ZCWPW2: variants seen among roughly 807,000 people sequenced by gnomAD.
The protein encoded by ZCWPW2 is zinc finger CW-type and PWWP domain containing 2.
ZCWPW2 carries 45 observed loss-of-function variants against 46.6 expected under a neutral mutation model. The observed-to-expected ratio is 0.96, with a 90% CI of 0.76 to 1.24. The LOEUF (loss-of-function observed/expected upper bound fraction) is 1.24, where lower values mean the gene tolerates loss of function less well. Ranked by LOEUF, ZCWPW2 falls within the 50% of genes most tolerant of loss-of-function variation. The probability of loss-of-function intolerance (pLI) is 0.00; values close to 1 mark genes in which losing one functional copy is unlikely to be tolerated. For missense variants in ZCWPW2, 429 were observed against 403.9 expected (o/e 1.06, Z -0.53); for synonymous variants, 152 against 137.1 (o/e 1.11, Z -0.76).
chr3:28,505,908 A>C (rs996632492), intron 6 of ZCWPW2, among the ~76,000 whole-genome samples: 1 of 151,802 alleles, frequency 6.6e-6, no homozygotes, highest in African/African-American at 2.4e-5. Context: ...ATTAAAAAAG[A>C]AAACTTCATT....
chr3:28,501,976 G>T (rs1424848026), intron 6 of ZCWPW2, among the ~76,000 whole-genome samples: 1 of 151,902 alleles, frequency 6.6e-6, no homozygotes, highest in Non-Finnish European at 1.5e-5. Flanking sequence ...TCCCACCTTG[G>T]CCTCCCGTAG....
Position 28,380,937 on chromosome 3 carries a change from T to C in ZCWPW2, c.-133-9561T>C, listed in dbSNP as rs1365158962. On this transcript the variant is annotated intron_variant, in intron 1 of 9. Transcript: ENST00000383768. Reference sequence around the variant, plus strand: ...TTACCAAATATATATATATTTGGTATATATATATATATATATATATATATA... The same window carrying C: ...TTACCAAATATATATATATTTGGTACATATATATATATATATATATATATA... Among the ~76,000 whole-genome samples, 6 of 7,522 alleles carry C rather than the reference T, an allele frequency of 8.0e-4. 1 individual carries two copies. The highest frequency in any genetic ancestry group is 2.5e-3 in the Admixed American group (1 of 406). The allele number at this position is 7,522 out of a possible 152,430, so 4.9% of individuals were successfully genotyped here.
rs552545804 is a variant in ZCWPW2 at position 28,369,404 on chromosome 3, A to T, written c.-134+20201A>T. ...GGACCCTCAGCTGCAGGTCTGTTGGAGTTTGCTGGAGGTCCACTCCAGACC... is the reference window on the plus strand; with the variant it reads ...GGACCCTCAGCTGCAGGTCTGTTGGTGTTTGCTGGAGGTCCACTCCAGACC... On this transcript the variant is annotated intron_variant, in intron 1 of 9. Coordinates refer to ENST00000383768, the MANE Select transcript of ZCWPW2 (RefSeq NM_001040432.4). Among the ~76,000 whole-genome samples the T allele has an allele frequency of 2.6e-4, 40 of 152,090 alleles. 1 individual carries two copies. The East Asian group carries it at 7.4e-3, about 28-fold the overall frequency.
intron 2 of ZCWPW2, among the ~76,000 whole-genome samples, chr3:28,391,655 C>T (rs73825147): frequency 0.02 from 3,117 of 152,248 alleles, 107 homozygotes; most frequent in African/African-American, 0.062. Context: ...GCAGTTTTCA[C>T]GGAATCCTCT....
chr3:28,521,938 G>T (rs1700735688), intron 9 of ZCWPW2, among the ~76,000 whole-genome samples: 1 of 152,130 alleles, frequency 6.6e-6, no homozygotes, highest in South Asian at 2.1e-4. Context: ...TCCCAATCCT[G>T]GTCCTGCCAA....
intron 5 of ZCWPW2, among the ~76,000 whole-genome samples, chr3:28,490,366 A>G (rs1699764921): frequency 6.6e-6 from 1 of 152,170 alleles, no homozygotes; most frequent in Non-Finnish European, 1.5e-5. Flanking sequence ...AGATACATGC[A>G]CACATATGTT....
chr3:28,491,084 G>C (rs1024860341), intron 5 of ZCWPW2, among the ~76,000 whole-genome samples: 1 of 152,052 alleles, frequency 6.6e-6, no homozygotes, highest in African/African-American at 2.4e-5. Context: ...ATAATACAAG[G>C]AAGAAAGTTT....
intron 1 of ZCWPW2, among the ~76,000 whole-genome samples, chr3:28,386,379 A>G (rs151196048): frequency 1.3e-5 from 2 of 152,280 alleles, no homozygotes; most frequent in Non-Finnish European, 2.9e-5. Context: ...TCTAGTTTCT[A>G]GAACTCTAAG....
chr3:28,435,041 A>G, intron 3 of ZCWPW2, 69 bp from the exon 4 acceptor site: 1 of 1,544,688 alleles, frequency 6.5e-7, no homozygotes, highest in South Asian at 1.2e-5. Context: ...TTAATATGCG[A>G]TTGATAGACG....
chr3:28,436,502 C>T (rs911216066), intron 4 of ZCWPW2, among the ~76,000 whole-genome samples: 21 of 151,452 alleles, frequency 1.4e-4, no homozygotes, highest in Admixed American at 2.0e-4. Flanking sequence ...AGTACATGTA[C>T]GTATTTAAAA....
At chr3:28,508,690 G>A (rs571498017) in intron 6 of ZCWPW2, among the ~76,000 whole-genome samples, 2 of 152,016 alleles carry the variant, frequency 1.3e-5, no homozygotes, top group African/African-American at 2.4e-5. Context: ...CATCACACCA[G>A]CTAATTTTTG....
rs140856167 is a variant in ZCWPW2 at position 28,483,145 on chromosome 3, T to C, written c.610+4214T>C. ...ATTTTGCATTTCGCCCTATGATTCA[T>C]TGTGAGTTCCTTTTTGTGAAAGGTG... On this transcript the variant is annotated intron_variant, in intron 5 of 9. Coordinates refer to ENST00000383768, the MANE Select transcript of ZCWPW2 (RefSeq NM_001040432.4). Among the ~76,000 whole-genome samples the C allele has an allele frequency of 3.7e-3, 571 of 152,298 alleles. 9 individuals are homozygous for C. The highest frequency in any genetic ancestry group is 0.033 in the Admixed American group (501 of 15,290).
At chr3:28,383,513 C>T (rs989550042) in intron 1 of ZCWPW2, among the ~76,000 whole-genome samples, 1 of 151,660 alleles carries the variant, frequency 6.6e-6, no homozygotes, top group Non-Finnish European at 1.5e-5. Context: ...AAGGTTTTAC[C>T]TGTGTAAAAT....
chr3:28,364,970 C>G (rs1386855743), intron 1 of ZCWPW2, among the ~76,000 whole-genome samples: 1 of 151,932 alleles, frequency 6.6e-6, no homozygotes, highest in Non-Finnish European at 1.5e-5. Flanking sequence ...TGTTCATATC[C>G]TTTGCCCACT....
intron 4 of ZCWPW2, 74 bp from the exon 5 acceptor site, chr3:28,478,740 G>A (rs1648035758): frequency 2.9e-6 from 2 of 687,122 alleles, no homozygotes; most frequent in Admixed American, 7.7e-5. Flanking sequence ...TTTTGTTCCA[G>A]CTTAATAAGT....
At chr3:28,370,976 C>T (rs906046587) in intron 1 of ZCWPW2, among the ~76,000 whole-genome samples, 1 of 152,090 alleles carries the variant, frequency 6.6e-6, no homozygotes, top group Non-Finnish European at 1.5e-5. Flanking sequence ...AGGTGATCCG[C>T]CTGCCTCAGC....
chr3:28,423,920 T>C (rs1351355926), intron 3 of ZCWPW2, among the ~76,000 whole-genome samples: 1 of 152,082 alleles, frequency 6.6e-6, no homozygotes, highest in African/African-American at 2.4e-5. Flanking sequence ...GCCCATTTGC[T>C]CCTATTTTGG....
intron 4 of ZCWPW2, chr3:28,478,313 G>A (rs1053191807): frequency 4.0e-5 from 13 of 323,012 alleles, no homozygotes; most frequent in Non-Finnish European, 5.8e-5. Context: ...GCACAATCTC[G>A]CATCACTGCA....
intron 3 of ZCWPW2, among the ~76,000 whole-genome samples, chr3:28,420,548 C>T (rs1336738494): frequency 6.6e-6 from 1 of 151,300 alleles, no homozygotes; most frequent in East Asian, 1.9e-4. Flanking sequence ...TAATCACTTT[C>T]TCACTTTTTT....
Sources: allele counts gnomAD v4.1 joint callset (sites outside exome capture counted in the v4.1 genomes callset), GRCh38; gene constraint gnomAD v4.1.1; transcripts MANE v1.5; gene names NCBI Gene and HGNC (gene_info 2026-07-23, HGNC 2026-07-21).